ITGAX: variants seen among roughly 807,000 people sequenced by gnomAD.
ITGAX encodes the protein integrin alpha-X.
ITGAX carries 99 observed loss-of-function variants against 140.2 expected under a neutral mutation model. The ratio of observed to expected loss-of-function variants is 0.71; its 90% CI spans 0.60 to 0.83. The LOEUF is 0.83. Ranked by LOEUF, ITGAX falls within the 40% of genes least tolerant of loss-of-function variation. The pLI is 0.00. For missense variants in ITGAX, 1,444 were observed against 1,482.0 expected (o/e 0.97, Z 0.42); for synonymous variants, 631 against 600.4 (o/e 1.05, Z -0.75).
chr16:31,371,196 G>GA lies in ITGAX; in HGVS notation c.1823_1824insA (p.Gln609ProfsTer30). The GA allele has an allele frequency of 6.2e-7, 1 of 1,609,968 alleles. No homozygotes were observed. Among genetic ancestry groups the GA allele is most frequent in the Non-Finnish European group, 8.5e-7 (1 of 1,178,146 alleles). Reference sequence around the variant, plus strand: ...GTGGACCTGGCTGTGGGGGCCCGGGGCCAGGTGCTCCTGCTCAGGTGAGAG... The same window carrying GA: ...GTGGACCTGGCTGTGGGGGCCCGGGGACCAGGTGCTCCTGCTCAGGTGAGAG... On this transcript the variant is annotated frameshift_variant, in exon 15 of 30. Coordinates refer to ENST00000268296, the MANE Select transcript of ITGAX (RefSeq NM_000887.5). LOFTEE classifies it high-confidence loss of function.
intron 14 of ITGAX, among the ~76,000 whole-genome samples, chr16:31,364,426 C>CAAAA (rs56776715): frequency 7.1e-5 from 3 of 42,452 alleles, no homozygotes; most frequent in Non-Finnish European, 1.6e-4. Flanking sequence ...AATCCCGTGT[C>CAAAA]AAAAAAAAAA....
In ITGAX at chr16:31,373,214, G is replaced by A. The variant is rs1010739559; in HGVS notation, c.2367-35G>A. 4.0e-6 allele frequency: 6 copies of A among 1,499,212 alleles called. No homozygotes were observed. In the East Asian group the frequency reaches 1.2e-4, roughly 30 times the overall value. The allele number at this position is 1,499,212 out of a possible 1,614,324, so 92.9% of individuals were successfully genotyped here. On this transcript the variant is annotated intron_variant, in intron 19 of 29. Coordinates refer to ENST00000268296, the MANE Select transcript of ITGAX (RefSeq NM_000887.5). ...CAGACCATTTCTAGCCTCAGTCACA[G>A]AATCATCTTCTCCTTTCCTTCACCT...
Position 31,363,354 on chromosome 16 carries a change from A to T in ITGAX, c.1690A>T (p.Ile564Phe). Residue 564 changes from isoleucine to phenylalanine, a missense_variant, in exon 14 of 30, where the codon ATC becomes TTC. Ile to Phe is a conservative substitution (Grantham distance 21). Transcript: ENST00000268296. ...GTTTCACGGAGTCTTGGGACCCAGC[A>T]TCAGCCCCTCCCACAGCCAGGTGAG... is the stretch of plus-strand genomic sequence containing the variant. The part of the protein sequence containing the change: ...YLFHGVLGPS[I>F]SPSHSQRIAG... 6.2e-7 allele frequency: 1 copy of T among 1,613,376 alleles called. No individual in the cohort carries two copies. The highest frequency in any genetic ancestry group is 1.1e-5 in the South Asian group (1 of 91,072).
rs567160425 is a variant in ITGAX at position 31,379,480 on chromosome 16, C to T, written c.2790-88C>T. 145 of 1,310,870 alleles carry T rather than the reference C, an allele frequency of 1.1e-4. No individual in the cohort carries two copies. In the East Asian group the frequency reaches 2.6e-3, roughly 24 times the overall value. The allele number at this position is 1,310,870 out of a possible 1,614,324, so 81.2% of individuals were successfully genotyped here. On this transcript the variant is annotated intron_variant, in intron 23 of 29. Coordinates refer to ENST00000268296, the MANE Select transcript of ITGAX (RefSeq NM_000887.5). ...ATTCCAGGACATTCCAAGGCCCCAC[C>T]GACCACCTGTCCTCTCATGCTCTAG...
At chr16:31,380,245 A>G (rs767824182) in intron 26 of ITGAX, 21 bp from the exon 27 acceptor site, 54 of 1,610,258 alleles carry the variant, frequency 3.4e-5, no homozygotes, top group Non-Finnish European at 4.2e-5. Context: ...TCTCAGCCCC[A>G]TGCTATTTAT....
Position 31,360,470 on chromosome 16 carries a change from C to G in ITGAX, c.861+7C>G, listed in dbSNP as rs377370742. 1.8e-5 allele frequency: 28 copies of G among 1,594,986 alleles called. No homozygotes were observed. The highest frequency in any genetic ancestry group is 2.7e-5 in the African/African-American group (2 of 74,228). On this transcript the variant is annotated splice_region_variant and intron_variant, in intron 8 of 29. Transcript: ENST00000268296. ...CATCCGCTATGCAATTGGGGTAGGG[C>G]GTGGGATGGCTTCCCACTTCTCCCA...
intron 23 of ITGAX, among the ~76,000 whole-genome samples, chr16:31,378,544 G>A (rs2081040140): frequency 1.3e-5 from 2 of 151,862 alleles, no homozygotes; most frequent in African/African-American, 4.8e-5. Context: ...ACAGCTCACA[G>A]CAGCCTTGAA....
At position 31,373,355 on chromosome 16, in the gene ITGAX, G is replaced by T. The variant is rs780288749; in HGVS notation, c.2473G>T (p.Ala825Ser). 2 of 1,613,214 alleles carry T rather than the reference G, an allele frequency of 1.2e-6. No homozygotes were observed. The highest frequency in any genetic ancestry group is 1.7e-6 in the Non-Finnish European group (2 of 1,179,928). ...AACCACCATCACCTTCTCCCACCCC[G>T]CAGGACTGTCCTACCGCTACGTGGC... ...YGTTITFSHPAGLSYRYVAEG... is the reference protein window; with the variant it reads ...YGTTITFSHPSGLSYRYVAEG... The change falls in exon 20 of 30, where the codon GCA becomes TCA. Residue 825 changes from alanine (A) to serine (S), a missense_variant. Ala to Ser is a moderately conservative substitution (Grantham distance 99, BLOSUM62 1). Transcript: ENST00000268296.
chr16:31,362,314 G>C, intron 11 of ITGAX, 110 bp downstream of exon 11: 1 of 1,337,748 alleles, frequency 7.5e-7, no homozygotes, highest in Non-Finnish European at 9.9e-7. Context: ...TGGGGTCCAG[G>C]CTTCTGGGGA....
At chr16:31,379,501 T>C in intron 23 of ITGAX, 67 bp from the exon 24 acceptor site, 1 of 1,462,070 alleles carries the variant, frequency 6.8e-7, no homozygotes, top group Non-Finnish European at 9.4e-7. Context: ...CCTCTCATGC[T>C]CTAGCCAATG....
At chr16:31,372,708 G>GA in intron 19 of ITGAX, 38 bp downstream of exon 19, 1 of 1,585,282 alleles carries the variant, frequency 6.3e-7, no homozygotes, top group Middle Eastern at 1.7e-4. Flanking sequence ...TACTGCCCCA[G>GA]CCTCCTTCCT....
chr16:31,367,114 T>C (rs1597072479), intron 14 of ITGAX, among the ~76,000 whole-genome samples: 2 of 152,140 alleles, frequency 1.3e-5, no homozygotes, highest in African/African-American at 2.4e-5. Flanking sequence ...TGCTCTTCAG[T>C]TCTATGAAGG....
intron 14 of ITGAX, among the ~76,000 whole-genome samples, chr16:31,368,033 A>AC (rs989992640): frequency 1.3e-5 from 2 of 152,268 alleles, no homozygotes. Flanking sequence ...GGAGGAAGTG[A>AC]TTGCGGATGT....
chr16:31,380,985 T>A lies in ITGAX; in HGVS notation c.3365T>A (p.Leu1122His). Residue 1122 changes from leucine to histidine, a missense_variant, in exon 29 of 30, where the codon CTC (leucine) becomes CAC (histidine). By Grantham distance (99) the Leu-to-His change is moderately conservative. Transcript: ENST00000268296. ...SSIGGLLLLA[L>H]ITAVLYKVGF... ...ATTGGGGGTCTGTTGCTGCTGGCAC[T>A]CATCACAGCGGTACTGTACAAAGTG... The A allele has an allele frequency of 1.9e-6, 3 of 1,613,992 alleles. No homozygotes were observed. The highest frequency in any genetic ancestry group is 2.5e-6 in the Non-Finnish European group (3 of 1,179,894).
intron 14 of ITGAX, among the ~76,000 whole-genome samples, chr16:31,369,292 C>G (rs541926572): frequency 2.6e-4 from 34 of 131,250 alleles, no homozygotes; most frequent in Non-Finnish European, 3.7e-4. Context: ...GGGGCTGACC[C>G]CCCCCCCCAC....
At chr16:31,376,728 G>A in intron 20 of ITGAX, 71 bp from the exon 21 acceptor site, 1 of 1,425,050 alleles carries the variant, frequency 7.0e-7, no homozygotes, top group Non-Finnish European at 9.9e-7. Context: ...TTAGGTTGGT[G>A]CAAAAGTAAT....
At chr16:31,380,484 C>T (rs1366556647) in intron 27 of ITGAX, 39 bp from the exon 28 acceptor site, 12 of 1,613,744 alleles carry the variant, frequency 7.4e-6, no homozygotes, top group Admixed American at 3.3e-5. Flanking sequence ...GAGCCTCCCC[C>T]AGAGCCAGTT....
chr16:31,365,804 T>C (rs1187096097), intron 14 of ITGAX, among the ~76,000 whole-genome samples: 1 of 152,212 alleles, frequency 6.6e-6, no homozygotes, highest in Non-Finnish European at 1.5e-5. Flanking sequence ...ATGCCTATAA[T>C]CCCAGCTACT....
rs61761306 is a variant in ITGAX, at chr16:31,382,707, T to C, written c.*800T>C. 43 of 559,864 alleles carry C rather than the reference T, an allele frequency of 7.7e-5. No individual in the cohort carries two copies. In the East Asian group the frequency reaches 1.1e-3, roughly 14 times the overall value. The allele number at this position is 559,864 out of a possible 1,614,324, so 34.7% of individuals were successfully genotyped here. A position where few individuals can be genotyped will look rare whatever the true frequency, so the allele number is the denominator to read the frequency against. On this transcript the variant is annotated 3_prime_UTR_variant, in exon 30 of 30. Transcript: ENST00000268296. The stretch of plus-strand genomic sequence containing the variant: ...GCCTGCATGCTGGGTTCTGCACAGC[T>C]GGCCTCCCGCGTTGGGCAACATTGC...
Sources: allele counts gnomAD v4.1 joint callset (sites outside exome capture counted in the v4.1 genomes callset), GRCh38; gene constraint gnomAD v4.1.1; transcripts MANE v1.5; gene names NCBI Gene and HGNC (gene_info 2026-07-23, HGNC 2026-07-21).